Variants in CPQ observed in about 807,000 individuals in gnomAD.
The protein encoded by CPQ is Ser-Met dipeptidase.
A neutral mutation model predicts 45.7 loss-of-function variants in CPQ; 37 were observed. The ratio of observed to expected loss-of-function variants is 0.81; its 90% CI spans 0.62 to 1.07. CPQ has a LOEUF of 1.07. CPQ is among the 50% of genes least tolerant of loss of function. The probability of loss-of-function intolerance (pLI) is 0.00; values close to 1 mark genes in which losing one functional copy is unlikely to be tolerated. For synonymous variants in CPQ, 186 were observed against 205.8 expected (o/e 0.90, Z 0.82); for missense variants, 537 against 572.9 (o/e 0.94, Z 0.64).
chr8:96,819,173 A>G (rs760393183), intron 2 of CPQ, among the ~76,000 whole-genome samples: 26 of 151,858 alleles, frequency 1.7e-4, no homozygotes, highest in Non-Finnish European at 3.2e-4. Flanking sequence ...AACACATCTT[A>G]AAAACCCAAT....
intron 1 of CPQ, among the ~76,000 whole-genome samples, chr8:96,706,385 G>A (rs554904258): frequency 6.6e-5 from 10 of 152,132 alleles, no homozygotes; most frequent in Non-Finnish European, 1.2e-4. Flanking sequence ...TTAACTTTGG[G>A]GAGGAAAAGC....
At chr8:96,855,503 C>G (rs1218252347) in intron 3 of CPQ, among the ~76,000 whole-genome samples, 1 of 152,188 alleles carries the variant, frequency 6.6e-6, no homozygotes, top group Non-Finnish European at 1.5e-5. Context: ...TTCATCCATT[C>G]ATTCATTCAT....
chr8:96,785,289 C>T lies in CPQ; in HGVS notation c.392C>T (p.Ala131Val). 6.2e-7 allele frequency: 1 copy of T among 1,612,308 alleles called. No individual in the cohort carries two copies. Among genetic ancestry groups the T allele is most frequent in the Non-Finnish European group, 8.5e-7 (1 of 1,178,842 alleles). The change falls in exon 2 of 8, where the codon GCC becomes GTC. Residue 131 changes from alanine (A) to valine (V), a missense_variant. Transcript: ENST00000220763. ...VMLEPRIHKI[A>V]ILGLGSSIGT... The stretch of plus-strand genomic sequence containing the variant: ...CTGGAGCCAAGAATTCATAAGATAG[C>T]CATCCTGGGTCTTGGCAGCAGCATT...
At chr8:96,723,398 G>A (rs1376164240) in intron 1 of CPQ, among the ~76,000 whole-genome samples, 1 of 152,094 alleles carries the variant, frequency 6.6e-6, no homozygotes, top group Non-Finnish European at 1.5e-5. Flanking sequence ...TCCTGCTAAT[G>A]GAGTATTGTT....
At chr8:96,759,042 C>T (rs573871407) in intron 1 of CPQ, among the ~76,000 whole-genome samples, 7 of 152,264 alleles carry the variant, frequency 4.6e-5, no homozygotes, top group East Asian at 1.9e-4. Context: ...ATATTTTCTA[C>T]GGAGAGCTTG....
chr8:97,027,995 GC>G (rs934501431), intron 5 of CPQ, among the ~76,000 whole-genome samples: 1 of 152,198 alleles, frequency 6.6e-6, no homozygotes. Flanking sequence ...CCAGACAACT[GC>G]GGGGCTTGGA....
chr8:96,687,687 G>A (rs1037975651), intron 1 of CPQ, among the ~76,000 whole-genome samples: 5 of 149,472 alleles, frequency 3.3e-5, no homozygotes, highest in Non-Finnish European at 5.9e-5. Context: ...TTCTTTCTTC[G>A]ATTGTTATTT....
intron 7 of CPQ, among the ~76,000 whole-genome samples, chr8:97,122,218 A>G (rs557721470): frequency 6.2e-4 from 95 of 152,296 alleles, no homozygotes; most frequent in African/African-American, 2.2e-3. Flanking sequence ...GATAAGCGAC[A>G]AGAAAATCAT....
At chr8:96,818,941 G>A (rs1214820549) in intron 2 of CPQ, among the ~76,000 whole-genome samples, 1 of 151,872 alleles carries the variant, frequency 6.6e-6, no homozygotes, top group Non-Finnish European at 1.5e-5. Flanking sequence ...AAAATATATT[G>A]CAAATTCAGC....
At chr8:96,851,271 T>C (rs1811767639) in intron 3 of CPQ, among the ~76,000 whole-genome samples, 1 of 152,242 alleles carries the variant, frequency 6.6e-6, no homozygotes, top group Non-Finnish European at 1.5e-5. Context: ...AGTCTCTTTG[T>C]AAGGTCATAT....
chr8:96,854,971 G>A lies in CPQ; in HGVS notation c.641+19791G>A, dbSNP rs138344600. ...CCATGGCCATAAATGTCATGGGAAG[G>A]TATTTAGTGGAAAATGCAATTTTTG... On this transcript the variant is annotated intron_variant, in intron 3 of 7. Transcript: ENST00000220763. 2.1e-3 allele frequency among the ~76,000 whole-genome samples: 325 copies of A among 152,304 alleles called. 2 individuals are homozygous for A. Among genetic ancestry groups the A allele is most frequent in the Admixed American group, 4.8e-3 (74 of 15,296 alleles).
chr8:97,129,976 G>T (rs1377162698), intron 7 of CPQ, among the ~76,000 whole-genome samples: 1 of 152,164 alleles, frequency 6.6e-6, no homozygotes, highest in Non-Finnish European at 1.5e-5. Context: ...TCGCTGCCCT[G>T]CTATGGATGC....
chr8:96,996,958 C>T lies in CPQ; in HGVS notation c.961+30912C>T, dbSNP rs146441363. Among the ~76,000 whole-genome samples, 55 of 152,054 alleles carry T rather than the reference C, an allele frequency of 3.6e-4. No homozygotes were observed. The East Asian group carries it at 0.01, about 28-fold the overall frequency. ...CAGGAGGAGCCAGTGGCCTTGTTTTCGAAAAGTCCCAGGTCTCCCATCACT... is the reference window on the plus strand; with the variant it reads ...CAGGAGGAGCCAGTGGCCTTGTTTTTGAAAAGTCCCAGGTCTCCCATCACT... On this transcript the variant is annotated intron_variant, in intron 5 of 7. Coordinates refer to ENST00000220763, the MANE Select transcript of CPQ (RefSeq NM_016134.4).
intron 7 of CPQ, among the ~76,000 whole-genome samples, chr8:97,094,125 T>C (rs968969032): frequency 3.3e-5 from 5 of 152,200 alleles, no homozygotes; most frequent in Admixed American, 2.0e-4. Flanking sequence ...AAAACTCTTT[T>C]CTGACAACTC....
chr8:96,740,103 G>A (rs1472921477), intron 1 of CPQ, among the ~76,000 whole-genome samples: 3 of 151,982 alleles, frequency 2.0e-5, no homozygotes, highest in African/African-American at 7.3e-5. Flanking sequence ...AGCATGGAAT[G>A]TTCTTCCATT....
At chr8:96,862,257 TG>T (rs1200418098) in intron 3 of CPQ, among the ~76,000 whole-genome samples, 1 of 151,226 alleles carries the variant, frequency 6.6e-6, no homozygotes, top group East Asian at 1.9e-4. Flanking sequence ...ATCTTTAATA[TG>T]GGGACAATAA....
chr8:97,120,181 G>A (rs1811677032), intron 7 of CPQ, among the ~76,000 whole-genome samples: 1 of 152,158 alleles, frequency 6.6e-6, no homozygotes, highest in Non-Finnish European at 1.5e-5. Flanking sequence ...CCCTAAAGGA[G>A]CAGCTCTTCA....
At chr8:96,751,101 G>A (rs1810253027) in intron 1 of CPQ, among the ~76,000 whole-genome samples, 1 of 152,088 alleles carries the variant, frequency 6.6e-6, no homozygotes, top group Non-Finnish European at 1.5e-5. Flanking sequence ...GAACATATAT[G>A]TGCATGTATC....
chr8:96,676,505 G>T (rs1309875063), intron 1 of CPQ, among the ~76,000 whole-genome samples: 4 of 151,828 alleles, frequency 2.6e-5, no homozygotes, highest in Non-Finnish European at 5.9e-5. Context: ...TTATGGCTGA[G>T]TAGTATTCCA....
Sources: allele counts gnomAD v4.1 joint callset (sites outside exome capture counted in the v4.1 genomes callset), GRCh38; gene constraint gnomAD v4.1.1; transcripts MANE v1.5; gene names NCBI Gene and HGNC (gene_info 2026-07-23, HGNC 2026-07-21).